RBFOX1: variants seen among roughly 807,000 people sequenced by gnomAD.
The protein encoded by RBFOX1 is RNA binding protein fox-1 homolog 1.
In RBFOX1, 8 loss-of-function variants were observed where a neutral mutation model predicts 57.7. The observed-to-expected ratio is 0.14, with a 90% CI of 0.08 to 0.25. The LOEUF is 0.25. Ranked by LOEUF, RBFOX1 falls within the 10% of genes least tolerant of loss-of-function variation. The pLI is 1.00. For missense variants in RBFOX1, 611 were observed against 548.5 expected (o/e 1.11, Z -1.14); for synonymous variants, 326 against 222.4 (o/e 1.47, Z -4.15).
At chr16:7,350,850 T>A (rs942263390) in intron 4 of RBFOX1, among the ~76,000 whole-genome samples, 16 of 152,298 alleles carry the variant, frequency 1.1e-4, no homozygotes, top group Admixed American at 9.8e-4. Flanking sequence ...CCTGAAGGTC[T>A]GGTATTTTGT....
intron 4 of RBFOX1, among the ~76,000 whole-genome samples, chr16:7,058,351 C>T (rs1318778172): frequency 6.6e-6 from 1 of 152,140 alleles, no homozygotes; most frequent in Non-Finnish European, 1.5e-5. Context: ...GAGTGTGCCT[C>T]AGGATGAGAG....
chr16:7,550,210 A>T (rs1021826171), intron 5 of RBFOX1, among the ~76,000 whole-genome samples: 2 of 150,132 alleles, frequency 1.3e-5, no homozygotes, highest in African/African-American at 4.9e-5. Flanking sequence ...GAATGCCACT[A>T]TGCCCAGCCT....
chr16:6,407,241 C>G (rs966023754), intron 2 of RBFOX1, among the ~76,000 whole-genome samples: 3 of 151,912 alleles, frequency 2.0e-5, no homozygotes, highest in African/African-American at 7.3e-5. Flanking sequence ...GTATCTGTAC[C>G]TTTATCTATA....
At chr16:5,472,551 C>T (rs1162765058) in intron 2 of RBFOX1, among the ~76,000 whole-genome samples, 10 of 152,026 alleles carry the variant, frequency 6.6e-5, no homozygotes, top group Admixed American at 5.9e-4. Context: ...CAGGAGGGTC[C>T]GTGTGCATGC....
intron 4 of RBFOX1, among the ~76,000 whole-genome samples, chr16:7,239,123 T>C (rs13335051): frequency 1.5e-4 from 23 of 152,296 alleles, no homozygotes; most frequent in African/African-American, 4.1e-4. Context: ...GTCTTTTTAT[T>C]ATCATTTTCT....
intron 10 of RBFOX1, among the ~76,000 whole-genome samples, chr16:7,628,706 G>GGGT (rs2060461613): frequency 6.6e-6 from 1 of 152,026 alleles, no homozygotes; most frequent in Non-Finnish European, 1.5e-5. Context: ...TCCACCTCCT[G>GGGT]GGTTCAAGTG....
intron 1 of RBFOX1, among the ~76,000 whole-genome samples, chr16:6,191,846 G>A (rs2097143857): frequency 1.3e-5 from 2 of 152,116 alleles, no homozygotes; most frequent in Non-Finnish European, 2.9e-5. Flanking sequence ...TTTTGCACTA[G>A]ATTTCCTAAC....
rs1047717497 is a variant in RBFOX1 at position 6,168,541 on chromosome 16, G to A, written c.-126-148454G>A. Among the ~76,000 whole-genome samples, 4 of 152,096 alleles carry A rather than the reference G, an allele frequency of 2.6e-5. No individual in the cohort carries two copies. The East Asian group carries it at 7.7e-4, about 29-fold the overall frequency. ...TTGAAAATGGGTTTTGATCATTACCGATTATGTATAAAAATGACCCATCAG... is the reference window on the plus strand; with the variant it reads ...TTGAAAATGGGTTTTGATCATTACCAATTATGTATAAAAATGACCCATCAG... On this transcript the variant is annotated intron_variant, in intron 1 of 15. Coordinates refer to ENST00000550418, the MANE Select transcript of RBFOX1 (RefSeq NM_018723.4).
At chr16:6,295,052 T>C (rs2077922590) in intron 1 of RBFOX1, among the ~76,000 whole-genome samples, 1 of 151,026 alleles carries the variant, frequency 6.6e-6, no homozygotes, top group Non-Finnish European at 1.5e-5. Context: ...TTTCTCCCAC[T>C]CTCTCTCCTC....
intron 3 of RBFOX1, among the ~76,000 whole-genome samples, chr16:6,689,550 C>G (rs559196098): frequency 6.6e-6 from 1 of 152,130 alleles, no homozygotes; most frequent in African/African-American, 2.4e-5. Flanking sequence ...CAGGACTTAT[C>G]TTTCCTGTAA....
intron 13 of RBFOX1, among the ~76,000 whole-genome samples, chr16:7,675,878 T>A (rs1391060743): frequency 6.6e-6 from 1 of 152,180 alleles, no homozygotes; most frequent in African/African-American, 2.4e-5. Flanking sequence ...TGTGCTGAGT[T>A]CATTGTACAC....
intron 4 of RBFOX1, among the ~76,000 whole-genome samples, chr16:7,338,772 A>T (rs1258754864): frequency 6.6e-6 from 1 of 152,226 alleles, no homozygotes; most frequent in Non-Finnish European, 1.5e-5. Context: ...AAAGATAAAG[A>T]AATCTATAAA....
At chr16:5,261,041 T>C (rs1404604166) in intron 1 of RBFOX1, 5 of 152,196 alleles carry the variant, frequency 3.3e-5, no homozygotes, top group Admixed American at 3.3e-4. Context: ...ACTTTGTCAT[T>C]CATCATGGTG....
At chr16:6,333,041 CT>C (rs928399859) in intron 2 of RBFOX1, among the ~76,000 whole-genome samples, 3 of 151,404 alleles carry the variant, frequency 2.0e-5, no homozygotes, top group Admixed American at 6.6e-5. Flanking sequence ...ATGTGACATT[CT>C]TTTTTTTTCT....
At chr16:7,063,982 C>A (rs142313822) in intron 4 of RBFOX1, among the ~76,000 whole-genome samples, 1 of 152,062 alleles carries the variant, frequency 6.6e-6, no homozygotes, top group African/African-American at 2.4e-5. Flanking sequence ...TATGGAGGAA[C>A]AACTATACTA....
At chr16:6,085,919 C>T (rs939662028) in intron 1 of RBFOX1, among the ~76,000 whole-genome samples, 11 of 152,046 alleles carry the variant, frequency 7.2e-5, no homozygotes, top group African/African-American at 1.7e-4. Context: ...CCTATTAACC[C>T]GTCACCTAGG....
chr16:6,861,508 A>C (rs566742274), intron 3 of RBFOX1, among the ~76,000 whole-genome samples: 3 of 147,566 alleles, frequency 2.0e-5, no homozygotes, highest in African/African-American at 7.4e-5. Context: ...CTCAATTACA[A>C]GAATAATTGC....
At chr16:6,121,858 T>C (rs2096552313) in intron 1 of RBFOX1, among the ~76,000 whole-genome samples, 1 of 152,228 alleles carries the variant, frequency 6.6e-6, no homozygotes, top group Non-Finnish European at 1.5e-5. Flanking sequence ...AGGCAATACC[T>C]GTAAAATGCC....
At chr16:6,674,196 C>T (rs1444909798) in intron 3 of RBFOX1, among the ~76,000 whole-genome samples, 3 of 152,142 alleles carry the variant, frequency 2.0e-5, no homozygotes, top group Non-Finnish European at 4.4e-5. Context: ...GCTTTTCCCA[C>T]CCCCATACCT....
Sources: gnomAD v4.1 joint callset for allele counts (sites outside exome capture counted in the v4.1 genomes callset) on GRCh38, gnomAD v4.1.1 for gene constraint, MANE v1.5 for transcripts, NCBI Gene and HGNC (gene_info 2026-07-23, HGNC 2026-07-21) for gene names.